Variants in YAP1 observed in about 807,000 individuals in gnomAD.
YAP1 encodes the protein transcriptional coactivator YAP1.
YAP1 carries 5 observed loss-of-function variants against 56.9 expected under a neutral mutation model. That is an observed-to-expected ratio of 0.09 (90% confidence interval 0.05 to 0.18). The LOEUF is 0.18. Ranked by LOEUF, YAP1 falls within the 10% of genes least tolerant of loss-of-function variation. The pLI is 1.00. For synonymous variants in YAP1, 265 were observed against 248.1 expected (o/e 1.07, Z -0.64); for missense variants, 539 against 651.8 (o/e 0.83, Z 1.88).
intron 2 of YAP1, among the ~76,000 whole-genome samples, chr11:102,154,075 A>G (rs931651068): frequency 2.0e-5 from 3 of 152,108 alleles, no homozygotes. Context: ...AGCCATAAAA[A>G]TCCCCCTCAA....
At chr11:102,176,050 A>AC (rs1947228535) in intron 3 of YAP1, among the ~76,000 whole-genome samples, 1 of 149,618 alleles carries the variant, frequency 6.7e-6, no homozygotes, top group Non-Finnish European at 1.5e-5. Flanking sequence ...ACTCCTTTGT[A>AC]AAAAAAAACT....
chr11:102,123,062 A>G (rs1199489106), intron 2 of YAP1, among the ~76,000 whole-genome samples: 1 of 151,890 alleles, frequency 6.6e-6, no homozygotes, highest in East Asian at 1.9e-4. Context: ...TTACATTGCT[A>G]TTTCTTGAAT....
intron 4 of YAP1, among the ~76,000 whole-genome samples, chr11:102,188,044 C>T (rs937529859): frequency 5.9e-5 from 9 of 152,082 alleles, no homozygotes; most frequent in African/African-American, 2.2e-4. Flanking sequence ...AAGAAAAAAA[C>T]GTGTGGGTTT....
chr11:102,209,222 G>A (rs527360677), intron 5 of YAP1, among the ~76,000 whole-genome samples: 114 of 152,180 alleles, frequency 7.5e-4, no homozygotes, highest in African/African-American at 2.6e-3. Context: ...TATTGTATCT[G>A]CTTTATCTAA....
intron 3 of YAP1, among the ~76,000 whole-genome samples, chr11:102,174,653 C>G (rs1442126959): frequency 1.3e-5 from 2 of 152,012 alleles, no homozygotes; most frequent in Admixed American, 6.6e-5. Context: ...TCACAAAGAC[C>G]GATCATACTT....
chr11:102,200,218 A>C (rs973302103), intron 4 of YAP1, among the ~76,000 whole-genome samples: 1 of 152,256 alleles, frequency 6.6e-6, no homozygotes, highest in Non-Finnish European at 1.5e-5. Context: ...AATTTATTCT[A>C]TGATAAAGAT....
At chr11:102,174,435 A>C (rs1947112553) in intron 3 of YAP1, among the ~76,000 whole-genome samples, 1 of 151,918 alleles carries the variant, frequency 6.6e-6, no homozygotes, top group Non-Finnish European at 1.5e-5. Flanking sequence ...TGTCTCTACT[A>C]AAATACAAAA....
Position 102,229,996 on chromosome 11 carries a change from C to A in YAP1, c.*56C>A. On this transcript the variant is annotated 3_prime_UTR_variant, in exon 9 of 9. Coordinates refer to ENST00000282441, the MANE Select transcript of YAP1 (RefSeq NM_001130145.3). ...TGAAGGATCTAAGGAGACACATGCA[C>A]CGGAAATTTCCATAAGCCAGTTGCA... 6.8e-7 allele frequency: 1 copy of A among 1,470,784 alleles called. No homozygotes were observed. The allele number at this position is 1,470,784 out of a possible 1,614,324, so 91.1% of individuals were successfully genotyped here.
At chr11:102,212,805 TC>T (rs1459435996) in intron 6 of YAP1, among the ~76,000 whole-genome samples, 2 of 152,148 alleles carry the variant, frequency 1.3e-5, no homozygotes, top group Non-Finnish European at 2.9e-5. Flanking sequence ...GGTCTTGAAC[TC>T]CCAACCTCAG....
intron 6 of YAP1, among the ~76,000 whole-genome samples, chr11:102,222,166 G>T (rs968055369): frequency 6.6e-6 from 1 of 152,200 alleles, no homozygotes; most frequent in Non-Finnish European, 1.5e-5. Flanking sequence ...GATTGTGGAG[G>T]TGAGGGCTGG....
At chr11:102,145,114 C>G (rs1217117920) in intron 2 of YAP1, among the ~76,000 whole-genome samples, 1 of 152,160 alleles carries the variant, frequency 6.6e-6, no homozygotes, top group Non-Finnish European at 1.5e-5. Flanking sequence ...GGAGTATTAG[C>G]AAGAGTTGTA....
chr11:102,161,219 GC>G (rs1206442884), intron 2 of YAP1, among the ~76,000 whole-genome samples: 1 of 151,130 alleles, frequency 6.6e-6, no homozygotes, highest in Non-Finnish European at 1.5e-5. Flanking sequence ...CCGCCACCAC[GC>G]CTGGCTAATT....
chr11:102,212,085 C>T (rs1211439002), intron 6 of YAP1, among the ~76,000 whole-genome samples: 1 of 152,064 alleles, frequency 6.6e-6, no homozygotes, highest in Non-Finnish European at 1.5e-5. Flanking sequence ...CTTTTCAGCC[C>T]CAAAGAACAG....
chr11:102,167,025 G>A (rs1946653661), intron 3 of YAP1, among the ~76,000 whole-genome samples: 1 of 152,160 alleles, frequency 6.6e-6, no homozygotes, highest in African/African-American at 2.4e-5. Context: ...AAAATGATCA[G>A]TATAATTATG....
chr11:102,227,268 A>G (rs1950238422), intron 7 of YAP1, among the ~76,000 whole-genome samples: 1 of 152,214 alleles, frequency 6.6e-6, no homozygotes, highest in Non-Finnish European at 1.5e-5. Flanking sequence ...AGCTTCAATT[A>G]GGATTAACTT....
At chr11:102,124,707 A>T (rs1943920064) in intron 2 of YAP1, among the ~76,000 whole-genome samples, 1 of 151,404 alleles carries the variant, frequency 6.6e-6, no homozygotes, top group Admixed American at 6.6e-5. Context: ...TTAACTTTTA[A>T]TTTTTCTGTT....
intron 3 of YAP1, among the ~76,000 whole-genome samples, chr11:102,174,668 A>G (rs887316009): frequency 6.6e-6 from 1 of 152,166 alleles, no homozygotes; most frequent in Non-Finnish European, 1.5e-5. Context: ...ATACTTTTCC[A>G]CAGATAGGCT....
chr11:102,169,605 T>TA (rs1163278205), intron 3 of YAP1, among the ~76,000 whole-genome samples: 1 of 152,218 alleles, frequency 6.6e-6, no homozygotes, highest in Non-Finnish European at 1.5e-5. Context: ...GTATTCCAAA[T>TA]ACCTTTTTTA....
At chr11:102,207,120 T>C (rs1238185214) in intron 5 of YAP1, among the ~76,000 whole-genome samples, 3 of 152,154 alleles carry the variant, frequency 2.0e-5, no homozygotes, top group East Asian at 3.8e-4. Context: ...TTAAGTAGCG[T>C]AGATATTTTT....
Sources: gnomAD v4.1 joint callset for allele counts (sites outside exome capture counted in the v4.1 genomes callset) on GRCh38, gnomAD v4.1.1 for gene constraint, MANE v1.5 for transcripts, NCBI Gene and HGNC (gene_info 2026-07-23, HGNC 2026-07-21) for gene names.